The following KIF4A variants were observed in gnomAD, a reference collection of about 807,000 sequenced individuals.
KIF4A encodes the protein chromosome-associated kinesin KIF4A.
Under a neutral mutation model 105.9 loss-of-function variants are expected in KIF4A, and 7 were observed. The observed-to-expected ratio is 0.07, with a 90% CI of 0.04 to 0.12. KIF4A has a LOEUF of 0.12. KIF4A is among the 10% of genes least tolerant of loss of function. The pLI is 1.00. For missense variants in KIF4A, 558 were observed against 929.2 expected (o/e 0.60, Z 5.19); for synonymous variants, 281 against 331.3 (o/e 0.85, Z 1.65).
intron 18 of KIF4A, among the ~76,000 whole-genome samples, chrX:70,381,544 G>GA (rs925677196): frequency 2.9e-4 from 32 of 111,133 alleles, no homozygotes; most frequent in African/African-American, 1.0e-3. Flanking sequence ...TGTCTCAAGA[G>GA]AAAAAAAGAA....
intron 10 of KIF4A, among the ~76,000 whole-genome samples, chrX:70,336,250 C>T (rs1367321476): frequency 8.9e-6 from 1 of 111,880 alleles, no homozygotes; most frequent in Non-Finnish European, 1.9e-5. Context: ...CAATTCACCC[C>T]CCTTCCTATG....
At chrX:70,326,368 G>A (rs2085911084) in intron 7 of KIF4A, among the ~76,000 whole-genome samples, 1 of 111,976 alleles carries the variant, frequency 8.9e-6, no homozygotes, top group African/African-American at 3.2e-5. Context: ...CAACCAGAAT[G>A]TCTCCAGATA....
intron 16 of KIF4A, among the ~76,000 whole-genome samples, chrX:70,374,837 C>T (rs746921285): frequency 2.5e-4 from 28 of 112,254 alleles, no homozygotes; most frequent in African/African-American, 8.7e-4. Context: ...GAGTCTAAAG[C>T]TCATGTTTGT....
At chrX:70,406,133 A>G (rs1161963152) in intron 26 of KIF4A, 126 bp from the exon 27 acceptor site, 5 of 567,504 alleles carry the variant, frequency 8.8e-6, no homozygotes, top group Admixed American at 6.4e-5. Context: ...AACGTACTCT[A>G]CTATAATCCT....
rs971335344 is a variant in KIF4A, at chrX:70,374,139, T to C, written c.1675-12T>C. 7.5e-6 allele frequency: 8 copies of C among 1,064,849 alleles called. No individual in the cohort carries two copies. Among genetic ancestry groups the C allele is most frequent in the Non-Finnish European group, 1.0e-5 (8 of 768,817 alleles). 87.8% of individuals were successfully genotyped at this position (1,064,849 alleles called of 1,213,427 possible). A position where few individuals can be genotyped will look rare whatever the true frequency, so the allele number is the denominator to read the frequency against. On this transcript the variant is annotated splice_polypyrimidine_tract_variant and intron_variant, in intron 15 of 30. Coordinates refer to ENST00000374403, the MANE Select transcript of KIF4A (RefSeq NM_012310.5). Reference sequence around the variant, plus strand: ...TAATGTCTTCTTTCTCTTTGACCTATAACCTTTCTAGGATAACATAAAAGA... The same window carrying C: ...TAATGTCTTCTTTCTCTTTGACCTACAACCTTTCTAGGATAACATAAAAGA...
chrX:70,294,068 A>G (rs1318938544), intron 3 of KIF4A, among the ~76,000 whole-genome samples: 1 of 112,623 alleles, frequency 8.9e-6, no homozygotes, highest in Non-Finnish European at 1.9e-5. Flanking sequence ...CAGCGGAATA[A>G]ACATTTTCAC....
chrX:70,293,770 C>T (rs1278304899), intron 3 of KIF4A, among the ~76,000 whole-genome samples: 1 of 111,940 alleles, frequency 8.9e-6, no homozygotes, highest in African/African-American at 3.2e-5. Flanking sequence ...CTGATACACC[C>T]GTATAGGGCA....
intron 5 of KIF4A, among the ~76,000 whole-genome samples, chrX:70,300,728 A>G (rs2085801441): frequency 9.0e-6 from 1 of 111,694 alleles, no homozygotes; most frequent in African/African-American, 3.3e-5. Context: ...TACTTTTACC[A>G]AGTTTTTATC....
chrX:70,351,906 C>T (rs951090496), intron 13 of KIF4A, among the ~76,000 whole-genome samples: 35 of 110,923 alleles, frequency 3.2e-4, no homozygotes, highest in African/African-American at 8.8e-4. Context: ...TACAGGTGCT[C>T]GCCACCACGC....
chrX:70,358,960 C>T (rs1286209755), intron 15 of KIF4A, among the ~76,000 whole-genome samples: 1 of 112,092 alleles, frequency 8.9e-6, no homozygotes, highest in South Asian at 3.7e-4. Flanking sequence ...TGCATCCCTG[C>T]TATTAGCTGT....
intron 15 of KIF4A, among the ~76,000 whole-genome samples, chrX:70,367,634 G>A (rs1030102970): frequency 1.3e-4 from 14 of 111,971 alleles, no homozygotes; most frequent in Admixed American, 1.2e-3. Flanking sequence ...TTAGTCTGAT[G>A]GGCTTCCCTT....
rs185747501 is a variant in KIF4A, at chrX:70,397,263, G to A, written c.2489+1214G>A. On this transcript the variant is annotated intron_variant, in intron 22 of 30. Transcript: ENST00000374403. ...CACGCGCCTGTAGTCCCAGCTACTC[G>A]GGAGGCTGAGGCAGGAGAATCACTT... Among the ~76,000 whole-genome samples, 660 of 110,915 alleles carry A rather than the reference G, an allele frequency of 6.0e-3. 24 individuals carry two copies. In the East Asian group the frequency reaches 0.091, roughly 15 times the overall value.
At chrX:70,380,110 C>G (rs2086191531) in intron 18 of KIF4A, among the ~76,000 whole-genome samples, 1 of 111,764 alleles carries the variant, frequency 8.9e-6, no homozygotes. Flanking sequence ...TTGAGACCAG[C>G]CTGGCCAACA....
chrX:70,351,353 T>C (rs760186026), intron 13 of KIF4A, among the ~76,000 whole-genome samples: 22 of 112,474 alleles, frequency 2.0e-4, no homozygotes, highest in Non-Finnish European at 3.2e-4. Flanking sequence ...ACTATGCCCA[T>C]GTGTACACAT....
chrX:70,413,752 G>A (rs1399021145), intron 28 of KIF4A, among the ~76,000 whole-genome samples: 1 of 111,021 alleles, frequency 9.0e-6, no homozygotes, highest in African/African-American at 3.3e-5. Flanking sequence ...ACCAGGCTGG[G>A]CAACGTAGCG....
chrX:70,366,076 G>A (rs1299702907), intron 15 of KIF4A, among the ~76,000 whole-genome samples: 1 of 111,592 alleles, frequency 9.0e-6, no homozygotes, highest in Non-Finnish European at 1.9e-5. Context: ...ATTTCTGTGG[G>A]ATCGGCGGTG....
At position 70,290,671 on chromosome X, in the gene KIF4A, T is replaced by C; in HGVS notation, c.121-20T>C. 3.3e-6 allele frequency: 4 copies of C among 1,203,121 alleles called. No homozygotes were observed. The highest frequency in any genetic ancestry group is 2.3e-4 in the Middle Eastern group (1 of 4,339). Reference sequence around the variant, plus strand: ...TGCCTTTCATTTTTAACCTTACGCCTTGTCCCGTGCCTTCTCTAGGTGGTG... The same window carrying C: ...TGCCTTTCATTTTTAACCTTACGCCCTGTCCCGTGCCTTCTCTAGGTGGTG... On this transcript the variant is annotated intron_variant, in intron 2 of 30. Transcript: ENST00000374403.
chrX:70,298,433 A>G (rs1309870651), intron 4 of KIF4A, among the ~76,000 whole-genome samples: 1 of 108,903 alleles, frequency 9.2e-6, no homozygotes, highest in African/African-American at 3.3e-5. Flanking sequence ...GGGTCTCACT[A>G]TGTTGCCCAG....
intron 9 of KIF4A, among the ~76,000 whole-genome samples, chrX:70,331,446 A>T (rs2147692212): frequency 9.0e-6 from 1 of 111,613 alleles, no homozygotes; most frequent in East Asian, 2.8e-4. Flanking sequence ...ATAGAAAGTT[A>T]TATTTACACT....
Sources: allele counts gnomAD v4.1 joint callset (sites outside exome capture counted in the v4.1 genomes callset), GRCh38; gene constraint gnomAD v4.1.1; transcripts MANE v1.5; gene names NCBI Gene and HGNC (gene_info 2026-07-23, HGNC 2026-07-21).